The following CD2AP variants were observed in gnomAD, a reference collection of about 807,000 sequenced individuals.
The protein encoded by CD2AP is CD2-associated protein.
Under a neutral mutation model 85.1 loss-of-function variants are expected in CD2AP, and 46 were observed. The observed-to-expected ratio is 0.54, with a 90% CI of 0.43 to 0.69. The LOEUF is 0.69. CD2AP is among the 30% of genes least tolerant of loss of function. CD2AP has a pLI of 0.00. For synonymous variants in CD2AP, 255 were observed against 252.9 expected (o/e 1.01, Z -0.08); for missense variants, 769 against 729.5 (o/e 1.05, Z -0.62).
At chr6:47,545,614 G>C (rs1029441640) in intron 4 of CD2AP, among the ~76,000 whole-genome samples, 1 of 152,052 alleles carries the variant, frequency 6.6e-6, no homozygotes. Flanking sequence ...TACCCCGCCC[G>C]CTGGTCCCAA....
chr6:47,576,659 T>G, intron 7 of CD2AP, 57 bp downstream of exon 7: 1 of 1,224,250 alleles, frequency 8.2e-7, no homozygotes. Context: ...CTCAAATGTA[T>G]TAAGAGACTT....
At chr6:47,502,518 G>A (rs1411924217) in intron 1 of CD2AP, among the ~76,000 whole-genome samples, 6 of 142,394 alleles carry the variant, frequency 4.2e-5, no homozygotes, top group Non-Finnish European at 6.1e-5. Context: ...TTTTTGAGAC[G>A]GAGTCTCGCT....
At chr6:47,552,660 T>C (rs2114059124) in intron 4 of CD2AP, among the ~76,000 whole-genome samples, 1 of 152,332 alleles carries the variant, frequency 6.6e-6, no homozygotes, top group African/African-American at 2.4e-5. Context: ...CTCCTAAACC[T>C]AACTCCTCAG....
intron 1 of CD2AP, among the ~76,000 whole-genome samples, chr6:47,497,347 CTCCCCT>C (rs201742003): frequency 0.24 from 32,802 of 136,812 alleles, 4,091 homozygotes; most frequent in Non-Finnish European, 0.27. Context: ...CTTCCCTTCC[CTCCCCT>C]TCCCCTTCCC....
At chr6:47,515,334 G>A (rs992491191) in intron 2 of CD2AP, among the ~76,000 whole-genome samples, 5 of 152,122 alleles carry the variant, frequency 3.3e-5, no homozygotes, top group Admixed American at 2.6e-4. Context: ...TTTTCCAGAA[G>A]ATAGAGTTGG....
At chr6:47,609,000 T>C in intron 15 of CD2AP, 123 bp from the exon 16 acceptor site, 2 of 676,768 alleles carry the variant, frequency 3.0e-6, no homozygotes, top group Non-Finnish European at 4.9e-6. Context: ...TCAAATTGCT[T>C]TTGAATTTCC....
chr6:47,531,009 G>A (rs1766860813), intron 2 of CD2AP, among the ~76,000 whole-genome samples: 1 of 152,052 alleles, frequency 6.6e-6, no homozygotes, highest in Non-Finnish European at 1.5e-5. Context: ...CAGCACCCTG[G>A]GAGGCCAAGA....
Position 47,577,222 on chromosome 6 carries a change from CT to C in CD2AP, c.903+122del, listed in dbSNP as rs1768338586. 7 of 656,842 alleles carry C rather than the reference CT, an allele frequency of 1.1e-5. No homozygotes were observed. In the South Asian group the frequency reaches 1.3e-4, roughly 12 times the overall value. The allele number at this position is 656,842 out of a possible 1,614,324, so 40.7% of individuals were successfully genotyped here. On this transcript the variant is annotated intron_variant, in intron 8 of 17. Coordinates refer to ENST00000359314, the MANE Select transcript of CD2AP (RefSeq NM_012120.3). ...ACCCTGGAATCTAGAAGAGCTGGGA[CT>C]TTGTCTTGTTTCTAAGTCCTGAAAA...
At chr6:47,593,982 A>G (rs1582602460) in intron 11 of CD2AP, among the ~76,000 whole-genome samples, 1 of 152,226 alleles carries the variant, frequency 6.6e-6, no homozygotes, top group Non-Finnish European at 1.5e-5. Context: ...AAATACTGCT[A>G]TATGTTATGA....
At chr6:47,600,405 T>C (rs1431470580) in intron 13 of CD2AP, among the ~76,000 whole-genome samples, 1 of 151,996 alleles carries the variant, frequency 6.6e-6, no homozygotes, top group African/African-American at 2.4e-5. Flanking sequence ...ATTACCTTAT[T>C]ATAAAATATG....
intron 1 of CD2AP, among the ~76,000 whole-genome samples, chr6:47,497,465 C>T (rs1765894266): frequency 6.6e-6 from 1 of 151,724 alleles, no homozygotes; most frequent in Admixed American, 6.6e-5. Context: ...GCGATCTCTG[C>T]TCATTGCAGC....
chr6:47,483,853 C>T (rs895378167), intron 1 of CD2AP, among the ~76,000 whole-genome samples: 7 of 150,608 alleles, frequency 4.6e-5, no homozygotes, highest in Non-Finnish European at 1.0e-4. Flanking sequence ...CCTTTCATAC[C>T]CAATGTGAAG....
At chr6:47,540,202 A>G (rs900501446) in intron 3 of CD2AP, among the ~76,000 whole-genome samples, 3 of 151,368 alleles carry the variant, frequency 2.0e-5, no homozygotes, top group Non-Finnish European at 4.4e-5. Flanking sequence ...AAGAAAAAAG[A>G]AAAAATACTA....
rs774612078 is a variant in CD2AP at position 47,580,886 on chromosome 6, C to T, written c.1031C>T (p.Pro344Leu). The T allele has an allele frequency of 6.2e-7, 1 of 1,608,182 alleles. No homozygotes were observed. Among genetic ancestry groups the T allele is most frequent in the African/African-American group, 1.3e-5 (1 of 74,790 alleles). ...DFPKPKKPPP[P>L]AKAPAPKPEL... ...CAGAAACCAAAGAAACCACCACCTC[C>T]TGCTAAGGCTCCAGGTATGTAAGAA... Residue 344 changes from proline (P) to leucine (L), a missense_variant, in exon 10 of 18, where the codon CCT becomes CTT. By Grantham distance (98) the Pro-to-Leu change is moderately conservative (BLOSUM62 -3). Coordinates refer to ENST00000359314, the MANE Select transcript of CD2AP (RefSeq NM_012120.3).
At chr6:47,574,302 AT>A (rs2114096553) in intron 6 of CD2AP, 51 bp downstream of exon 6, 2 of 1,509,760 alleles carry the variant, frequency 1.3e-6, no homozygotes, top group Admixed American at 1.7e-5. Flanking sequence ...CTCATTAAGC[AT>A]TTTTTAAAAT....
In CD2AP at chr6:47,566,088, T is replaced by C. The variant is rs909831163; in HGVS notation, c.542-7976T>C. On this transcript the variant is annotated intron_variant, in intron 5 of 17. Transcript: ENST00000359314. Reference sequence around the variant, plus strand: ...TGTTGTATACCTTTGTCTGGAATCCTCTTCTTCAAGATGTCCTGATGGCTA... The same window carrying C: ...TGTTGTATACCTTTGTCTGGAATCCCCTTCTTCAAGATGTCCTGATGGCTA... Among the ~76,000 whole-genome samples the C allele has an allele frequency of 2.6e-5, 4 of 152,140 alleles. No homozygotes were observed. In the East Asian group the frequency reaches 5.8e-4, roughly 22 times the overall value.
At chr6:47,512,064 A>C (rs1766328941) in intron 2 of CD2AP, among the ~76,000 whole-genome samples, 1 of 152,170 alleles carries the variant, frequency 6.6e-6, no homozygotes, top group Admixed American at 6.5e-5. Context: ...AGGCTGAGGC[A>C]GGAGAATGGT....
chr6:47,610,975 T>A (rs1157350664), intron 16 of CD2AP, among the ~76,000 whole-genome samples: 1,183 of 91,958 alleles, frequency 0.013, 41 homozygotes, highest in African/African-American at 0.041. Context: ...ATATGTATTT[T>A]TTTTTTTTTT....
intron 1 of CD2AP, among the ~76,000 whole-genome samples, chr6:47,488,277 GTT>G (rs1333998829): frequency 6.6e-6 from 1 of 152,020 alleles, no homozygotes; most frequent in Non-Finnish European, 1.5e-5. Flanking sequence ...AGCTTAAAGA[GTT>G]TGTTCAAAAT....
Sources: allele counts gnomAD v4.1 joint callset (sites outside exome capture counted in the v4.1 genomes callset), GRCh38; gene constraint gnomAD v4.1.1; transcripts MANE v1.5; gene names NCBI Gene and HGNC (gene_info 2026-07-23, HGNC 2026-07-21).